NPAS3: variants seen among roughly 807,000 people sequenced by gnomAD.
NPAS3 encodes the protein neuronal PAS domain-containing protein 3.
NPAS3 carries 14 observed loss-of-function variants against 73.1 expected under a neutral mutation model. That is an observed-to-expected ratio of 0.19 (90% CI 0.13 to 0.30). The LOEUF is 0.30. Ranked by LOEUF, NPAS3 falls within the 10% of genes least tolerant of loss-of-function variation. The pLI is 1.00. For synonymous variants in NPAS3, 620 were observed against 541.5 expected, an observed-to-expected ratio of 1.14 and a Z score of -2.01; for missense variants, 1,096 against 1,250.0, an observed-to-expected ratio of 0.88 and a Z score of 1.86.
chr14:33,482,946 C>G (rs766671982), intron 4 of NPAS3, among the ~76,000 whole-genome samples: 5 of 152,084 alleles, frequency 3.3e-5, no homozygotes, highest in Non-Finnish European at 7.4e-5. Flanking sequence ...AATGAATATA[C>G]AGATCACTTT....
chr14:33,737,240 C>T (rs144606132), intron 7 of NPAS3, among the ~76,000 whole-genome samples: 5 of 152,178 alleles, frequency 3.3e-5, no homozygotes, highest in African/African-American at 9.6e-5. Flanking sequence ...TAAAAGGTCA[C>T]GCTGAGGAGG....
intron 3 of NPAS3, among the ~76,000 whole-genome samples, chr14:33,327,722 G>GA (rs1376092978): frequency 6.6e-6 from 1 of 152,010 alleles, no homozygotes; most frequent in Non-Finnish European, 1.5e-5. Flanking sequence ...ATTGCAGGCA[G>GA]AAAAAAATTA....
In NPAS3 at chr14:33,325,444, G is replaced by A. The variant is rs572674549; in HGVS notation, c.386-41742G>A. ...GTGGATCACTTGAAGTCAGGATTTC[G>A]AGGCCAGCCTGGCCAACATGGTGAA... is the stretch of plus-strand genomic sequence containing the variant. On this transcript the variant is annotated intron_variant, in intron 3 of 11. Coordinates refer to ENST00000356141, the Ensembl canonical transcript of NPAS3. Among the ~76,000 whole-genome samples the A allele has an allele frequency of 1.9e-3, 282 of 152,108 alleles. 1 individual carries two copies. Among genetic ancestry groups the A allele is most frequent in the Non-Finnish European group, 3.0e-3 (205 of 67,990 alleles).
chr14:33,117,293 A>G (rs1181829321), intron 2 of NPAS3, among the ~76,000 whole-genome samples: 2 of 151,952 alleles, frequency 1.3e-5, no homozygotes, highest in Non-Finnish European at 2.9e-5. Flanking sequence ...TTGACTGGGG[A>G]TCATAGTCAA....
At chr14:33,193,281 T>C (rs17100358) in intron 2 of NPAS3, among the ~76,000 whole-genome samples, 20,563 of 151,886 alleles carry the variant, frequency 0.14, 1,651 homozygotes, top group East Asian at 0.31. Flanking sequence ...GCCCAGGCTA[T>C]TGAGTAAAGG....
intron 3 of NPAS3, among the ~76,000 whole-genome samples, chr14:33,215,916 C>G (rs1437303341): frequency 6.6e-6 from 1 of 152,110 alleles, no homozygotes; most frequent in Non-Finnish European, 1.5e-5. Context: ...TCAATTTTCT[C>G]TATATACATA....
At chr14:33,328,947 A>T (rs532674023) in intron 3 of NPAS3, among the ~76,000 whole-genome samples, 21 of 152,284 alleles carry the variant, frequency 1.4e-4, no homozygotes, top group Non-Finnish European at 2.8e-4. Context: ...TATTTGATTT[A>T]ATATGTAACT....
intron 4 of NPAS3, among the ~76,000 whole-genome samples, chr14:33,503,481 C>T (rs1040768152): frequency 7.2e-5 from 11 of 151,798 alleles, no homozygotes; most frequent in Admixed American, 2.0e-4. Flanking sequence ...TTGGTGAAAC[C>T]GAGTGATACC....
intron 6 of NPAS3, among the ~76,000 whole-genome samples, chr14:33,720,084 T>C (rs2061064840): frequency 6.6e-6 from 1 of 152,178 alleles, no homozygotes; most frequent in Non-Finnish European, 1.5e-5. Context: ...ATATTGTTAT[T>C]ACCAATAAAA....
Position 33,669,161 on chromosome 14 carries a change from A to G in NPAS3, c.559-7050A>G, listed in dbSNP as rs74494592. ...CTTTCTTACTATTCATTTGATCTCC[A>G]GAAAAAAAGAAACCGACTTCAGTTA... On this transcript the variant is annotated intron_variant, in intron 5 of 11. Coordinates refer to ENST00000356141, the Ensembl canonical transcript of NPAS3. 2.7e-3 allele frequency among the ~76,000 whole-genome samples: 413 copies of G among 152,306 alleles called. 11 individuals carry two copies. In the East Asian group the frequency reaches 0.071, roughly 26 times the overall value.
intron 5 of NPAS3, among the ~76,000 whole-genome samples, chr14:33,567,576 C>T (rs893176037): frequency 1.9e-4 from 29 of 152,194 alleles, no homozygotes; most frequent in African/African-American, 6.0e-4. Context: ...CTGTCGGCCT[C>T]TATTGATGTG....
rs761184912 is a variant in NPAS3 at position 33,169,319 on chromosome 14, G to A, written c.141-45863G>A. On this transcript the variant is annotated intron_variant, in intron 2 of 11. Coordinates refer to ENST00000356141, the Ensembl canonical transcript of NPAS3. ...ACGATGGCTCATGCCTGTAATCCCA[G>A]CACTTTGGGAGGCCAAGGCAGATGG... 1.3e-3 allele frequency among the ~76,000 whole-genome samples: 202 copies of A among 152,174 alleles called. 1 individual carries two copies. Among genetic ancestry groups the A allele is most frequent in the Admixed American group, 6.0e-3 (92 of 15,288 alleles).
At chr14:33,247,875 G>A (rs1301436248) in intron 3 of NPAS3, among the ~76,000 whole-genome samples, 1 of 152,174 alleles carries the variant, frequency 6.6e-6, no homozygotes, top group Admixed American at 6.5e-5. Flanking sequence ...CCTAGTCTTT[G>A]CTCTCAGATT....
intron 3 of NPAS3, among the ~76,000 whole-genome samples, chr14:33,304,186 T>G (rs7146457): frequency 0.75 from 114,814 of 152,172 alleles, 44,174 homozygotes; most frequent in African/African-American, 0.91. Flanking sequence ...TGTTAACAGA[T>G]TTAACTCTTG....
intron 7 of NPAS3, among the ~76,000 whole-genome samples, chr14:33,759,331 A>G (rs2062211609): frequency 6.6e-6 from 1 of 152,204 alleles, no homozygotes; most frequent in African/African-American, 2.4e-5. Context: ...AAAGTGGACC[A>G]ATGTTCTCTA....
In NPAS3 at chr14:33,589,701, C is replaced by A. The variant is rs1012233569; in HGVS notation, c.558+29491C>A. Among the ~76,000 whole-genome samples, 5 of 152,156 alleles carry A rather than the reference C, an allele frequency of 3.3e-5. No homozygotes were observed. The East Asian group carries it at 9.7e-4, about 29-fold the overall frequency. On this transcript the variant is annotated intron_variant, in intron 5 of 11. Transcript: ENST00000356141. ...CTTGAAAAAAAGATATAAAGTATGT[C>A]TTTGATAAATTTTAGGACATTGACT...
chr14:33,532,764 G>A (rs1428442579), intron 4 of NPAS3, among the ~76,000 whole-genome samples: 2 of 152,032 alleles, frequency 1.3e-5, no homozygotes, highest in Non-Finnish European at 2.9e-5. Context: ...CTTTCCTGTT[G>A]TGTAGTAAAT....
At chr14:32,946,667 G>A (rs959588375) in intron 1 of NPAS3, among the ~76,000 whole-genome samples, 1 of 152,140 alleles carries the variant, frequency 6.6e-6, no homozygotes, top group African/African-American at 2.4e-5. Context: ...AAAAGGACTA[G>A]ATAAGAAGTG....
intron 9 of NPAS3, among the ~76,000 whole-genome samples, chr14:33,789,529 AGGTCATTTAAAAGTTTT>A (rs2063283596): frequency 6.8e-6 from 1 of 146,638 alleles, no homozygotes; most frequent in South Asian, 2.3e-4. Context: ...ATCTAAGAAG[AGGTCATTTAAAAGTTTT>A]GGGATCCTCA....
Sources: allele counts gnomAD v4.1 joint callset (sites outside exome capture counted in the v4.1 genomes callset), GRCh38; gene constraint gnomAD v4.1.1; transcripts MANE v1.5; gene names NCBI Gene and HGNC (gene_info 2026-07-23, HGNC 2026-07-21).